Variants in ZFHX3 observed in about 807,000 individuals in gnomAD.
ZFHX3 encodes zinc finger homeobox protein 3.
A neutral mutation model predicts 279.1 loss-of-function variants in ZFHX3; 42 were observed. The ratio of observed to expected loss-of-function variants is 0.15; its 90% CI spans 0.12 to 0.19. The LOEUF (loss-of-function observed/expected upper bound fraction) is 0.19. Ranked by LOEUF, ZFHX3 falls within the 10% of genes least tolerant of loss-of-function variation. The probability of loss-of-function intolerance (pLI) is 1.00; values close to 1 mark genes in which losing one functional copy is unlikely to be tolerated. For synonymous variants in ZFHX3, 2,293 were observed against 1,957.8 expected (o/e 1.17, Z -4.52); for missense variants, 4,981 against 4,754.0 (o/e 1.05, Z -1.40).
At position 72,794,802 on chromosome 16, in the gene ZFHX3, C is replaced by G. The variant is rs773590961; in HGVS notation, c.7880G>C (p.Gly2627Ala). 6.2e-7 allele frequency: 1 copy of G among 1,614,152 alleles called. No homozygotes were observed. The highest frequency in any genetic ancestry group is 1.1e-5 in the South Asian group (1 of 91,078). Residue 2627 changes from glycine to alanine, a missense_variant, in exon 9 of 10, where the codon GGC (glycine) becomes GCC (alanine). By Grantham distance (60) the Gly-to-Ala change is moderately conservative (BLOSUM62 0). This residue lies in a region of ZFHX3 where 744 missense variants were observed against 701.3 expected (regional missense o/e 1.06). Coordinates refer to ENST00000268489, the MANE Select transcript of ZFHX3 (RefSeq NM_006885.4). This position sits in a 1 kb window ranked among gnomAD's most constrained non-coding sequence, Gnocchi z 4.2. ...KLEEKASASPGENDSGTGGEE... is the reference protein window; with the variant it reads ...KLEEKASASPAENDSGTGGEE... ...TCCTCCTGTCCCACTGTCGTTTTCG[C>G]CAGGGCTTGCACTGGCCTTTTCCTC...
rs1251836398 is a variant in ZFHX3 at position 73,113,731 on chromosome 16, A to C, written c.-897+17237T>G. 2.6e-5 allele frequency among the ~76,000 whole-genome samples: 4 copies of C among 151,126 alleles called. No individual in the cohort carries two copies. The East Asian group carries it at 7.7e-4, about 29-fold the overall frequency. On this transcript the variant is annotated intron_variant, in intron 7 of 17. Transcript: ENST00000641206. The stretch of plus-strand genomic sequence containing the variant: ...TGGGGTATGATGCATCCATTTCTAC[A>C]TTACATGGGCGGAAGGTTAAAACAA...
intron 2 of ZFHX3, among the ~76,000 whole-genome samples, chr16:73,629,287 C>A (rs975714248): frequency 6.6e-6 from 1 of 151,974 alleles, no homozygotes; most frequent in Non-Finnish European, 1.5e-5. Context: ...TCAGAAGGAT[C>A]GAGATTGCCC....
intron 5 of ZFHX3, among the ~76,000 whole-genome samples, chr16:73,171,582 G>C (rs1012618946): frequency 2.0e-5 from 3 of 152,064 alleles, no homozygotes; most frequent in Admixed American, 2.0e-4. Context: ...TTCCTGCAGC[G>C]CAGGCAGGTA....
intron 3 of ZFHX3, among the ~76,000 whole-genome samples, chr16:73,371,496 A>C (rs1050908481): frequency 6.6e-6 from 1 of 151,586 alleles, no homozygotes; most frequent in South Asian, 2.1e-4. Flanking sequence ...CCAATTTTAC[A>C]GGTAAAAAAA....
chr16:73,531,036 A>G (rs749177147), intron 2 of ZFHX3, among the ~76,000 whole-genome samples: 5 of 152,192 alleles, frequency 3.3e-5, no homozygotes, highest in Admixed American at 6.5e-5. Context: ...TTTTTGGTCA[A>G]ACATGCCAAA....
intron 2 of ZFHX3, among the ~76,000 whole-genome samples, chr16:73,531,041 G>T (rs2019791925): frequency 6.6e-6 from 1 of 152,202 alleles, no homozygotes; most frequent in Non-Finnish European, 1.5e-5. Context: ...GGTCAAACAT[G>T]CCAAATAGCT....
intron 2 of ZFHX3, among the ~76,000 whole-genome samples, chr16:73,513,831 G>A (rs539541525): frequency 3.9e-4 from 60 of 152,234 alleles, no homozygotes; most frequent in African/African-American, 1.4e-3. Context: ...GCCCACCACA[G>A]AGAAGACGCT....
At chr16:72,998,710 T>TCA (rs1229662484) in intron 1 of ZFHX3, among the ~76,000 whole-genome samples, 1 of 152,170 alleles carries the variant, frequency 6.6e-6, no homozygotes, top group African/African-American at 2.4e-5. Flanking sequence ...CTGTAATAAT[T>TCA]CATGCTTGTA....
rs1297424131 is a variant in ZFHX3 at position 73,193,267 on chromosome 16, AG to A, written c.-1103-49437del. On this transcript the variant is annotated intron_variant, in intron 5 of 17. Transcript: ENST00000641206. ...TAACCTAGTCTTGTGACCCTCACTC[AG>A]GAAGGCACCACCTCTCTGGGCCTCA... Among the ~76,000 whole-genome samples, 12 of 152,358 alleles carry A rather than the reference AG, an allele frequency of 7.9e-5. 1 individual carries two copies. In the East Asian group the frequency reaches 2.3e-3, roughly 29 times the overall value.
intron 1 of ZFHX3, among the ~76,000 whole-genome samples, chr16:72,999,737 C>G (rs2144592141): frequency 6.6e-6 from 1 of 152,238 alleles, no homozygotes; most frequent in Non-Finnish European, 1.5e-5. Context: ...CTCACCTGAG[C>G]CCACGAGACC....
chr16:73,093,199 C>T (rs773253035), intron 8 of ZFHX3: 26 of 519,828 alleles, frequency 5.0e-5, no homozygotes, highest in African/African-American at 9.6e-5. Context: ...TGGACGACCA[C>T]GCGCATGCAG....
At chr16:73,483,788 TG>T (rs2018917489) in intron 2 of ZFHX3, among the ~76,000 whole-genome samples, 1 of 152,120 alleles carries the variant, frequency 6.6e-6, no homozygotes, top group South Asian at 2.1e-4. Context: ...CCATGGTAAT[TG>T]GGAGGTGCTG....
intron 4 of ZFHX3, among the ~76,000 whole-genome samples, chr16:72,849,478 G>A (rs2037559077): frequency 6.6e-6 from 1 of 151,984 alleles, no homozygotes; most frequent in Non-Finnish European, 1.5e-5. Flanking sequence ...TGCCAAGATG[G>A]TGCCCACGAT....
intron 1 of ZFHX3, among the ~76,000 whole-genome samples, chr16:72,976,516 C>T (rs1036714307): frequency 6.6e-6 from 1 of 152,188 alleles, no homozygotes; most frequent in South Asian, 2.1e-4. Context: ...ATACACAGCG[C>T]GTCCCTCCTG....
At chr16:73,568,104 G>T (rs904044130) in intron 2 of ZFHX3, among the ~76,000 whole-genome samples, 6 of 152,124 alleles carry the variant, frequency 3.9e-5, no homozygotes, top group Non-Finnish European at 7.4e-5. Flanking sequence ...TAGTCAGTTT[G>T]GTTTCTTTCA....
At chr16:73,442,837 A>C (rs866529494) in intron 3 of ZFHX3, among the ~76,000 whole-genome samples, 39 of 152,276 alleles carry the variant, frequency 2.6e-4, no homozygotes, top group Middle Eastern at 6.8e-3. Flanking sequence ...TCTTGGGCTC[A>C]AAGAATTTGA....
chr16:73,573,685 G>A (rs2051765586), intron 2 of ZFHX3, among the ~76,000 whole-genome samples: 1 of 152,276 alleles, frequency 6.6e-6, no homozygotes, highest in South Asian at 2.1e-4. Flanking sequence ...TAATACAGAT[G>A]CTGTATATAA....
At chr16:73,431,682 T>C (rs758315993) in intron 3 of ZFHX3, among the ~76,000 whole-genome samples, 1 of 152,258 alleles carries the variant, frequency 6.6e-6, no homozygotes, top group Non-Finnish European at 1.5e-5. Flanking sequence ...GAATATCTTT[T>C]ATATACAATT....
intron 4 of ZFHX3, among the ~76,000 whole-genome samples, chr16:72,831,788 A>C (rs950313656): frequency 6.6e-6 from 1 of 152,172 alleles, no homozygotes; most frequent in African/African-American, 2.4e-5. Flanking sequence ...AGGTCCCTTA[A>C]AGGACCCTTA....
Sources: allele counts gnomAD v4.1 joint callset (sites outside exome capture counted in the v4.1 genomes callset), GRCh38; gene constraint gnomAD v4.1.1; regional missense constraint gnomAD v4.1.1; non-coding constraint Gnocchi (gnomAD v3.1); transcripts MANE v1.5; gene names NCBI Gene and HGNC (gene_info 2026-07-23, HGNC 2026-07-21).